KIF6: variants seen among roughly 807,000 people sequenced by gnomAD.
KIF6 encodes the protein kinesin-like protein KIF6.
A neutral mutation model predicts 112.7 loss-of-function variants in KIF6; 106 were observed. The ratio of observed to expected loss-of-function variants is 0.94; its 90% CI spans 0.80 to 1.11. The LOEUF (loss-of-function observed/expected upper bound fraction) is 1.11, where lower values mean the gene tolerates loss of function less well. KIF6 is among the 50% of genes least tolerant of loss of function. The pLI is 0.00. For synonymous variants in KIF6, 339 were observed against 339.9 expected (o/e 1.00, Z 0.03); for missense variants, 929 against 964.0 (o/e 0.96, Z 0.48).
At chr6:39,591,622 T>C (rs1318681235) in intron 7 of KIF6, among the ~76,000 whole-genome samples, 1 of 152,182 alleles carries the variant, frequency 6.6e-6, no homozygotes, top group Non-Finnish European at 1.5e-5. Flanking sequence ...AGGTACCTTA[T>C]CAGCTCTCAA....
At chr6:39,594,209 T>TAA (rs61424840) in intron 7 of KIF6, among the ~76,000 whole-genome samples, 16 of 143,516 alleles carry the variant, frequency 1.1e-4, no homozygotes, top group Middle Eastern at 3.6e-3. Flanking sequence ...CTTATAGAAT[T>TAA]AAAAAAAAAA....
chr6:39,435,913 C>A (rs1020679638), intron 13 of KIF6, among the ~76,000 whole-genome samples: 2 of 152,054 alleles, frequency 1.3e-5, no homozygotes, highest in African/African-American at 2.4e-5. Context: ...GGTAGATTTA[C>A]GTTTAGTTCT....
intron 6 of KIF6, among the ~76,000 whole-genome samples, chr6:39,610,713 G>A (rs1400835128): frequency 6.6e-6 from 1 of 151,940 alleles, no homozygotes; most frequent in East Asian, 1.9e-4. Context: ...GCTAAATATT[G>A]GGTATACTTT....
intron 10 of KIF6, among the ~76,000 whole-genome samples, chr6:39,557,137 A>G (rs934390083): frequency 1.3e-4 from 20 of 152,174 alleles, no homozygotes; most frequent in African/African-American, 4.8e-4. Context: ...AAAAGTTTTA[A>G]AAGACATATT....
intron 13 of KIF6, among the ~76,000 whole-genome samples, chr6:39,479,205 G>A (rs755973806): frequency 1.3e-5 from 2 of 152,046 alleles, no homozygotes; most frequent in Non-Finnish European, 2.9e-5. Flanking sequence ...TTTTTCTGAT[G>A]TTTTCCTCTA....
At position 39,335,184 on chromosome 6, in the gene KIF6, G is replaced by C. The variant is rs1762871557; in HGVS notation, c.*1348C>G. On this transcript the variant is annotated 3_prime_UTR_variant, in exon 23 of 23. Transcript: ENST00000287152. Reference sequence around the variant, plus strand: ...GTTCGGAAGGATAACATGTCAGATAGTGATGCAGAAAAAATGGTAATGGGA... The same window carrying C: ...GTTCGGAAGGATAACATGTCAGATACTGATGCAGAAAAAATGGTAATGGGA... 1 of 152,164 alleles carries C rather than the reference G, an allele frequency of 6.6e-6. No individual in the cohort carries two copies. Among genetic ancestry groups the C allele is most frequent in the African/African-American group, 2.4e-5 (1 of 41,412 alleles). The allele number at this position is 152,164 out of a possible 1,614,324, so 9.4% of individuals were successfully genotyped here.
intron 13 of KIF6, among the ~76,000 whole-genome samples, chr6:39,485,231 T>C (rs1288300907): frequency 1.3e-5 from 2 of 152,222 alleles, no homozygotes; most frequent in African/African-American, 4.8e-5. Context: ...AGCCATTTCA[T>C]AGACAGGATG....
At chr6:39,382,509 T>C (rs1767040338) in intron 16 of KIF6, among the ~76,000 whole-genome samples, 1 of 152,196 alleles carries the variant, frequency 6.6e-6, no homozygotes, top group Non-Finnish European at 1.5e-5. Flanking sequence ...TTGTTTTTTT[T>C]TATGGCCGTG....
At chr6:39,519,380 T>G (rs569096518) in intron 13 of KIF6, among the ~76,000 whole-genome samples, 3 of 152,234 alleles carry the variant, frequency 2.0e-5, no homozygotes, top group African/African-American at 7.2e-5. Context: ...GCATTGACAA[T>G]AAATATGAAG....
intron 15 of KIF6, among the ~76,000 whole-genome samples, chr6:39,398,503 T>C (rs544128744): frequency 6.6e-6 from 1 of 152,328 alleles, no homozygotes; most frequent in Admixed American, 6.5e-5. Flanking sequence ...TATGAGAAAG[T>C]CTGGATATTA....
chr6:39,593,268 G>C (rs1210905818), intron 7 of KIF6, among the ~76,000 whole-genome samples: 1 of 152,052 alleles, frequency 6.6e-6, no homozygotes, highest in African/African-American at 2.4e-5. Flanking sequence ...CCATAATAAA[G>C]TACTACATAA....
intron 10 of KIF6, among the ~76,000 whole-genome samples, chr6:39,566,095 A>C (rs980986558): frequency 1.3e-5 from 2 of 152,156 alleles, no homozygotes; most frequent in Non-Finnish European, 2.9e-5. Context: ...TAGGGGAAAA[A>C]GTCTTCACCA....
At chr6:39,428,491 T>C (rs1025828125) in intron 14 of KIF6, among the ~76,000 whole-genome samples, 3 of 152,216 alleles carry the variant, frequency 2.0e-5, no homozygotes, top group African/African-American at 7.2e-5. Flanking sequence ...GATGTGCATA[T>C]GTCCCCCTTT....
chr6:39,369,177 A>C (rs949281863), intron 16 of KIF6, among the ~76,000 whole-genome samples: 10 of 152,204 alleles, frequency 6.6e-5, no homozygotes, highest in Non-Finnish European at 2.9e-5. Context: ...CTTCCCAATC[A>C]GACCATTTCC....
At chr6:39,628,061 G>A in intron 5 of KIF6, among the ~76,000 whole-genome samples, 1 of 152,022 alleles carries the variant, frequency 6.6e-6, no homozygotes, top group Non-Finnish European at 1.5e-5. Flanking sequence ...AACCTTTTGA[G>A]ATTATTGTAG....
Position 39,717,887 on chromosome 6 carries a change from C to T in KIF6, c.176+2815G>A, listed in dbSNP as rs1051001747. 5.3e-5 allele frequency among the ~76,000 whole-genome samples: 8 copies of T among 151,858 alleles called. No individual in the cohort carries two copies. The East Asian group carries it at 1.5e-3, about 29-fold the overall frequency. On this transcript the variant is annotated intron_variant, in intron 2 of 22. Transcript: ENST00000287152. ...TTCAATTCAGAGATTTAAAAATAAG[C>T]CAATGGTGCTTTTACAACAATTGCA...
chr6:39,434,514 TGAGCC>T (rs1415015086), intron 13 of KIF6, among the ~76,000 whole-genome samples: 1 of 151,954 alleles, frequency 6.6e-6, no homozygotes, highest in Admixed American at 6.6e-5. Flanking sequence ...GAGGTTGCAG[TGAGCC>T]GAGATAGCAC....
At chr6:39,351,104 G>T (rs1290082357) in intron 19 of KIF6, among the ~76,000 whole-genome samples, 1 of 151,572 alleles carries the variant, frequency 6.6e-6, no homozygotes, top group African/African-American at 2.4e-5. Flanking sequence ...GACTCTGGGA[G>T]CAGGATTTTT....
intron 6 of KIF6, among the ~76,000 whole-genome samples, chr6:39,607,906 C>T (rs1195064072): frequency 6.6e-6 from 1 of 152,124 alleles, no homozygotes; most frequent in Non-Finnish European, 1.5e-5. Context: ...GATTTTGGAA[C>T]TAATTGAAAC....
Sources: gnomAD v4.1 joint callset for allele counts (sites outside exome capture counted in the v4.1 genomes callset) on GRCh38, gnomAD v4.1.1 for gene constraint, MANE v1.5 for transcripts, NCBI Gene and HGNC (gene_info 2026-07-23, HGNC 2026-07-21) for gene names.